The following CREB1 variants were observed in gnomAD, a reference collection of about 807,000 sequenced individuals.
The protein encoded by CREB1 is cyclic AMP-responsive element-binding protein 1.
A neutral mutation model predicts 42.0 loss-of-function variants in CREB1; 2 were observed. That is an observed-to-expected ratio of 0.05 (90% CI 0.02 to 0.15). CREB1 has a LOEUF of 0.15. Among genes scored for constraint, CREB1 ranks in the 10% least tolerant of loss-of-function variants. The pLI is 1.00. For missense variants in CREB1, 199 were observed against 388.9 expected, an observed-to-expected ratio of 0.51 and a Z score of 4.11; for synonymous variants, 123 against 139.9, an observed-to-expected ratio of 0.88 and a Z score of 0.85.
chr2:207,583,801 T>C (rs1376069336), intron 7 of CREB1, among the ~76,000 whole-genome samples: 1 of 152,234 alleles, frequency 6.6e-6, no homozygotes, highest in African/African-American at 2.4e-5. Context: ...CTAACAGTTA[T>C]ATAATACTAA....
intron 1 of CREB1, among the ~76,000 whole-genome samples, chr2:207,550,063 A>G (rs1401963459): frequency 1.3e-5 from 2 of 152,208 alleles, no homozygotes; most frequent in African/African-American, 4.8e-5. Flanking sequence ...CTGTGTAGAC[A>G]TAATTATGTA....
chr2:207,593,259 C>T (rs2085434046), intron 7 of CREB1, among the ~76,000 whole-genome samples: 1 of 152,190 alleles, frequency 6.6e-6, no homozygotes, highest in Non-Finnish European at 1.5e-5. Context: ...GGTGCGGTGG[C>T]TCATGCCTGT....
intron 2 of CREB1, among the ~76,000 whole-genome samples, chr2:207,558,135 T>C (rs1022495281): frequency 2.6e-5 from 4 of 152,158 alleles, no homozygotes; most frequent in African/African-American, 9.7e-5. Context: ...AGAGAGAAAG[T>C]GATTAATAAG....
intron 1 of CREB1, among the ~76,000 whole-genome samples, chr2:207,534,436 C>T (rs1420584470): frequency 6.6e-6 from 1 of 152,004 alleles, no homozygotes; most frequent in Non-Finnish European, 1.5e-5. Flanking sequence ...AGGGTTTCAC[C>T]ATGTTGGTCA....
rs1335897867 is a variant in CREB1 at position 207,599,131 on chromosome 2, CTT to C, written c.*2075_*2076del. 5.2e-6 allele frequency: 1 copy of C among 193,036 alleles called. No homozygotes were observed. The highest frequency in any genetic ancestry group is 1.1e-5 in the Non-Finnish European group (1 of 92,598). 12.0% of individuals were successfully genotyped at this position (193,036 alleles called of 1,614,324 possible). A position where few individuals can be genotyped will look rare whatever the true frequency, so the allele number is the denominator to read the frequency against. On this transcript the variant is annotated 3_prime_UTR_variant, in exon 8 of 8. Coordinates refer to ENST00000353267, the MANE Select transcript of CREB1 (RefSeq NM_004379.5). ...CATTCTAAGAATTAAGTGATGTAGTCTTTATGTTTGGACAGTTCACCAGATTC... is the reference window on the plus strand; with the variant it reads ...CATTCTAAGAATTAAGTGATGTAGTCTATGTTTGGACAGTTCACCAGATTC...
At chr2:207,538,918 A>G (rs1054758244) in intron 1 of CREB1, among the ~76,000 whole-genome samples, 1 of 152,230 alleles carries the variant, frequency 6.6e-6, no homozygotes, top group Non-Finnish European at 1.5e-5. Flanking sequence ...AAGGTTAAAT[A>G]ACCATTATTT....
intron 7 of CREB1, among the ~76,000 whole-genome samples, chr2:207,589,874 A>G (rs1169402373): frequency 6.6e-6 from 1 of 152,068 alleles, no homozygotes; most frequent in Non-Finnish European, 1.5e-5. Context: ...GAGGATTTTT[A>G]TGTCTACGTT....
At chr2:207,554,064 T>C (rs1574817560) in intron 1 of CREB1, among the ~76,000 whole-genome samples, 2 of 152,326 alleles carry the variant, frequency 1.3e-5, no homozygotes, top group East Asian at 1.9e-4. Context: ...TTACAGTGAA[T>C]ACTGTTGAGC....
At position 207,534,971 on chromosome 2, in the gene CREB1, C is replaced by T. The variant is rs73055021; in HGVS notation, c.-9+4837C>T. Among the ~76,000 whole-genome samples, 515 of 152,270 alleles carry T rather than the reference C, an allele frequency of 3.4e-3. 5 individuals carry two copies. Among genetic ancestry groups the T allele is most frequent in the African/African-American group, 0.012 (494 of 41,542 alleles). ...TTAATATGGCTTAGCAATTTTGTAT[C>T]AGCACATAAAGAGCTTCTTCATTTT... On this transcript the variant is annotated intron_variant, in intron 1 of 7. Coordinates refer to ENST00000353267, the MANE Select transcript of CREB1 (RefSeq NM_004379.5).
At position 207,604,983 on chromosome 2, in the gene CREB1, CAGTTG is replaced by C. The variant is rs1424536544; in HGVS notation, c.*7931_*7935del. ...TATACCACAAGTTTATCGATTCATC[CAGTTG>C]AGTTGTTTCTACTGTTTGGCTAATG... On this transcript the variant is annotated 3_prime_UTR_variant, in exon 8 of 8. Coordinates refer to ENST00000353267, the MANE Select transcript of CREB1 (RefSeq NM_004379.5). Among the ~76,000 whole-genome samples, 1 of 152,106 alleles carries C rather than the reference CAGTTG, an allele frequency of 6.6e-6. No homozygotes were observed. Among genetic ancestry groups the C allele is most frequent in the African/African-American group, 2.4e-5 (1 of 41,414 alleles).
intron 6 of CREB1, chr2:207,576,620 T>C: frequency 8.1e-7 from 1 of 1,230,736 alleles, no homozygotes; most frequent in Non-Finnish European, 1.1e-6. Context: ...ACCTTTTCAC[T>C]TTACATGCAG....
chr2:207,555,586 A>G (rs2081684670), intron 1 of CREB1, 42 bp from the exon 2 acceptor site: 2 of 1,290,658 alleles, frequency 1.5e-6, no homozygotes, highest in South Asian at 1.3e-5. Flanking sequence ...ACGAAAGCAC[A>G]AAGCACTGTG....
intron 1 of CREB1, among the ~76,000 whole-genome samples, chr2:207,552,597 T>G (rs1429372690): frequency 6.6e-6 from 1 of 151,868 alleles, no homozygotes; most frequent in Admixed American, 6.6e-5. Flanking sequence ...AAGAAAAAAT[T>G]GTGAATGTCT....
chr2:207,573,782 A>G (rs183170757), intron 5 of CREB1, among the ~76,000 whole-genome samples: 30 of 152,314 alleles, frequency 2.0e-4, no homozygotes, highest in Non-Finnish European at 5.9e-5. Flanking sequence ...AACTCAAACT[A>G]CAACCCAGTC....
chr2:207,574,462 A>G (rs896840625), intron 5 of CREB1, among the ~76,000 whole-genome samples: 1 of 152,212 alleles, frequency 6.6e-6, no homozygotes, highest in Non-Finnish European at 1.5e-5. Context: ...ACTGTAGCAT[A>G]AAGGTGATTT....
chr2:207,537,769 TTTG>T (rs1281850158), intron 1 of CREB1, among the ~76,000 whole-genome samples: 7 of 152,202 alleles, frequency 4.6e-5, no homozygotes, highest in Admixed American at 6.5e-5. Context: ...ACTGGGTTTT[TTTG>T]TTGTTGTTTT....
chr2:207,545,829 G>C (rs1032918389), intron 1 of CREB1, among the ~76,000 whole-genome samples: 2 of 151,312 alleles, frequency 1.3e-5, no homozygotes, highest in Non-Finnish European at 1.5e-5. Context: ...TGCCTCCTAG[G>C]TTCAAGCGAT....
At chr2:207,565,423 A>G (rs1202883457) in intron 3 of CREB1, among the ~76,000 whole-genome samples, 1 of 152,078 alleles carries the variant, frequency 6.6e-6, no homozygotes. Context: ...TGCAAGCACT[A>G]AATAGTGATA....
At chr2:207,595,946 T>A (rs1210963243) in intron 7 of CREB1, among the ~76,000 whole-genome samples, 2 of 152,210 alleles carry the variant, frequency 1.3e-5, no homozygotes, top group African/African-American at 4.8e-5. Context: ...TTTTCACTAT[T>A]TATTGTCTTT....
Sources: gnomAD v4.1 joint callset for allele counts (sites outside exome capture counted in the v4.1 genomes callset) on GRCh38, gnomAD v4.1.1 for gene constraint, MANE v1.5 for transcripts, NCBI Gene and HGNC (gene_info 2026-07-23, HGNC 2026-07-21) for gene names.